KCNMB4: variants seen among roughly 807,000 people sequenced by gnomAD.
KCNMB4 encodes potassium calcium-activated channel subfamily M regulatory beta subunit 4, also known as calcium-activated potassium channel subunit beta-4.
KCNMB4 carries 3 observed loss-of-function variants against 20.7 expected under a neutral mutation model. The ratio of observed to expected loss-of-function variants is 0.14; its 90% CI spans 0.07 to 0.37. The LOEUF is 0.37. Ranked by LOEUF, KCNMB4 falls within the 10% of genes least tolerant of loss-of-function variation. KCNMB4 has a pLI of 1.00. For synonymous variants in KCNMB4, 110 were observed against 113.4 expected (o/e 0.97, Z 0.19); for missense variants, 168 against 265.9 (o/e 0.63, Z 2.56).
chr12:70,423,004 A>G (rs913439095), intron 2 of KCNMB4, among the ~76,000 whole-genome samples: 3 of 152,204 alleles, frequency 2.0e-5, no homozygotes, highest in Non-Finnish European at 4.4e-5. Context: ...AACATTTGCC[A>G]AACCCAGCTA....
chr12:70,418,391 A>AG (rs397688435), intron 2 of KCNMB4, among the ~76,000 whole-genome samples: 1 of 151,696 alleles, frequency 6.6e-6, no homozygotes, highest in Non-Finnish European at 1.5e-5. Context: ...TGGTTGTTAA[A>AG]GTGATCTTTC....
intron 2 of KCNMB4, among the ~76,000 whole-genome samples, chr12:70,415,888 A>G (rs1379662091): frequency 6.6e-6 from 1 of 152,194 alleles, no homozygotes; most frequent in Non-Finnish European, 1.5e-5. Flanking sequence ...CCTCGGATTT[A>G]CAGCTGACTA....
chr12:70,407,460 CTTTTTTTTTTTTTTT>C (rs35371839), intron 2 of KCNMB4, among the ~76,000 whole-genome samples: 1 of 64,166 alleles, frequency 1.6e-5, no homozygotes, highest in Non-Finnish European at 2.7e-5. Context: ...GTGCTGAATT[CTTTTTTTTTTTTTTT>C]TTTTTTTTTT....
chr12:70,394,396 T>C (rs926581729), intron 1 of KCNMB4, among the ~76,000 whole-genome samples: 1 of 152,154 alleles, frequency 6.6e-6, no homozygotes, highest in Non-Finnish European at 1.5e-5. Flanking sequence ...CATTTTAGCT[T>C]CTCCTGTTCT....
intron 1 of KCNMB4, among the ~76,000 whole-genome samples, chr12:70,372,496 A>G (rs1883615901): frequency 6.6e-6 from 1 of 152,216 alleles, no homozygotes; most frequent in African/African-American, 2.4e-5. Context: ...ATCAGTGGGT[A>G]GCACTGGTAA....
chr12:70,425,894 T>G (rs1869198696), intron 2 of KCNMB4, among the ~76,000 whole-genome samples: 1 of 152,156 alleles, frequency 6.6e-6, no homozygotes, highest in Non-Finnish European at 1.5e-5. Context: ...ATCCCAGTAG[T>G]TTGGGGGGCC....
chr12:70,377,319 T>C (rs1404027349), intron 1 of KCNMB4, among the ~76,000 whole-genome samples: 1 of 152,204 alleles, frequency 6.6e-6, no homozygotes, highest in African/African-American at 2.4e-5. Context: ...AAGCCAATAT[T>C]ACGATAAAAG....
At chr12:70,372,088 A>G (rs1214214721) in intron 1 of KCNMB4, among the ~76,000 whole-genome samples, 2 of 152,200 alleles carry the variant, frequency 1.3e-5, no homozygotes, top group African/African-American at 4.8e-5. Flanking sequence ...TCATGTGGCT[A>G]TCTGGAGACA....
At chr12:70,407,243 G>C (rs956789216) in intron 2 of KCNMB4, among the ~76,000 whole-genome samples, 1 of 152,092 alleles carries the variant, frequency 6.6e-6, no homozygotes, top group Admixed American at 6.5e-5. Flanking sequence ...GGAACTGCCA[G>C]ATGGAAGAGA....
chr12:70,427,397 T>C lies in KCNMB4; in HGVS notation c.465-3088T>C, dbSNP rs150046002. On this transcript the variant is annotated intron_variant, in intron 2 of 2. Transcript: ENST00000258111. ...ACTGAATGATAAGCGTGAGCATTAC[T>C]GTGCAGAGAAATGATTTTCCTGTTG... Among the ~76,000 whole-genome samples, 1,126 of 152,346 alleles carry C rather than the reference T, an allele frequency of 7.4e-3. 11 individuals carry two copies. Among genetic ancestry groups the C allele is most frequent in the Non-Finnish European group, 0.012 (839 of 68,030 alleles).
rs576913483 is a variant in KCNMB4, at chr12:70,430,293, A to G, written c.465-192A>G. ...TATAATTAATACATAAATTTGCACC[A>G]ATTACTTGACTCAAGAGCTCAAAAC... is the stretch of plus-strand genomic sequence containing the variant. On this transcript the variant is annotated intron_variant, in intron 2 of 2. Coordinates refer to ENST00000258111, the MANE Select transcript of KCNMB4 (RefSeq NM_014505.6). Among the ~76,000 whole-genome samples, 4 of 152,318 alleles carry G rather than the reference A, an allele frequency of 2.6e-5. No individual in the cohort carries two copies. The South Asian group carries it at 8.3e-4, about 32-fold the overall frequency.
chr12:70,397,274 A>G (rs1278440542), intron 1 of KCNMB4, among the ~76,000 whole-genome samples: 9 of 152,192 alleles, frequency 5.9e-5, no homozygotes, highest in Admixed American at 4.6e-4. Flanking sequence ...TTGAGCCCCA[A>G]GAGTTCAAGG....
At chr12:70,392,464 T>TGGTATACTG (rs1366455047) in intron 1 of KCNMB4, among the ~76,000 whole-genome samples, 3 of 152,118 alleles carry the variant, frequency 2.0e-5, no homozygotes, top group South Asian at 4.2e-4. Flanking sequence ...ACCCAGCAAA[T>TGGTATACTG]GGTATACTGG....
chr12:70,376,503 T>C (rs905423462), intron 1 of KCNMB4, among the ~76,000 whole-genome samples: 1 of 152,122 alleles, frequency 6.6e-6, no homozygotes, highest in Non-Finnish European at 1.5e-5. Flanking sequence ...AGTTGCAGGA[T>C]ACAATATCAA....
chr12:70,400,857 T>C (rs980600506), intron 2 of KCNMB4, among the ~76,000 whole-genome samples: 1 of 152,222 alleles, frequency 6.6e-6, no homozygotes. Context: ...AATTCCTTGC[T>C]GTACATCTCC....
intron 1 of KCNMB4, among the ~76,000 whole-genome samples, chr12:70,385,862 C>T (rs542832155): frequency 1.3e-5 from 2 of 152,120 alleles, no homozygotes; most frequent in African/African-American, 4.8e-5. Context: ...GACCAATTAC[C>T]ATAGAGGAAA....
chr12:70,422,818 G>T (rs1194515298), intron 2 of KCNMB4: 1 of 1,250,636 alleles, frequency 8.0e-7, no homozygotes. Flanking sequence ...TGGGAAAACC[G>T]ACAGATGGAT....
chr12:70,405,512 T>C (rs1353984697), intron 2 of KCNMB4, among the ~76,000 whole-genome samples: 1 of 152,110 alleles, frequency 6.6e-6, no homozygotes, highest in Non-Finnish European at 1.5e-5. Flanking sequence ...TACGGACAAA[T>C]TGGAACCCTT....
intron 2 of KCNMB4, among the ~76,000 whole-genome samples, chr12:70,429,679 A>G (rs1593351885): frequency 6.6e-6 from 1 of 152,050 alleles, no homozygotes; most frequent in East Asian, 1.9e-4. Flanking sequence ...AAAAAAAAAA[A>G]AAAAAGAAAA....
Sources: gnomAD v4.1 joint callset for allele counts (sites outside exome capture counted in the v4.1 genomes callset) on GRCh38, gnomAD v4.1.1 for gene constraint, MANE v1.5 for transcripts, NCBI Gene and HGNC (gene_info 2026-07-23, HGNC 2026-07-21) for gene names.